URI1: variants seen among roughly 807,000 people sequenced by gnomAD.
URI1 encodes unconventional prefoldin RPB5 interactor 1.
URI1 carries 39 observed loss-of-function variants against 60.2 expected under a neutral mutation model. The observed-to-expected ratio is 0.65, with a 90% CI of 0.50 to 0.85. The LOEUF (loss-of-function observed/expected upper bound fraction) is 0.85. URI1 is among the 40% of genes least tolerant of loss of function. The pLI, the probability that URI1 is intolerant of heterozygous loss-of-function variation, is 0.00. For missense variants in URI1, 691 were observed against 665.9 expected (o/e 1.04, Z -0.42); for synonymous variants, 251 against 236.8 (o/e 1.06, Z -0.55).
chr19:29,932,031 T>G (rs1373553858), intron 1 of URI1, among the ~76,000 whole-genome samples: 4 of 151,910 alleles, frequency 2.6e-5, no homozygotes, highest in Non-Finnish European at 5.9e-5. Context: ...TTTTCTAACT[T>G]GGCTGCCTTT....
At chr19:30,012,264 T>C (rs1296771720) in intron 9 of URI1, 21 bp from the exon 10 acceptor site, 1 of 1,599,742 alleles carries the variant, frequency 6.3e-7, no homozygotes, top group African/African-American at 1.3e-5. Flanking sequence ...AGTGAATGCA[T>C]ATGTGTTTTG....
At chr19:29,956,014 C>T (rs1346992030) in intron 1 of URI1, among the ~76,000 whole-genome samples, 6 of 147,974 alleles carry the variant, frequency 4.1e-5, no homozygotes, top group African/African-American at 1.0e-4. Flanking sequence ...GATGGAGTTT[C>T]GCTCTTGTTG....
At chr19:29,987,467 A>G (rs758763047) in intron 4 of URI1, among the ~76,000 whole-genome samples, 1 of 152,300 alleles carries the variant, frequency 6.6e-6, no homozygotes, top group East Asian at 1.9e-4. Flanking sequence ...TTAGGCCTGT[A>G]TGTAATTTCT....
chr19:29,960,707 A>T (rs1252856568), intron 1 of URI1, among the ~76,000 whole-genome samples: 1 of 152,078 alleles, frequency 6.6e-6, no homozygotes. Context: ...TTCAGTCTAG[A>T]TATCTTTTCC....
chr19:29,956,046 G>C (rs1021346656), intron 1 of URI1, among the ~76,000 whole-genome samples: 3 of 148,652 alleles, frequency 2.0e-5, no homozygotes, highest in African/African-American at 7.5e-5. Flanking sequence ...GTGCAATGGA[G>C]TGGTCTTGGC....
At chr19:29,938,112 C>G (rs1232540726), upstream of URI1, 2 of 152,152 alleles carry the variant, frequency 1.3e-5, no homozygotes, top group African/African-American at 4.8e-5. Flanking sequence ...CTGCTTTGGG[C>G]TCCCAAAGTT....
rs572410110 is a variant in URI1 at position 29,967,845 on chromosome 19, T to C, written c.118-3348T>C. On this transcript the variant is annotated intron_variant, in intron 1 of 10. Transcript: ENST00000392271. ...AGTTGTGTAATATTAAGTAAGTTAC[T>C]TCATCTCTGAATACAGGTTTCCTCT... 6.6e-5 allele frequency among the ~76,000 whole-genome samples: 10 copies of C among 152,322 alleles called. No homozygotes were observed. In the South Asian group the frequency reaches 1.2e-3, roughly 19 times the overall value.
chr19:30,006,507 A>G (rs2055944584), intron 6 of URI1, among the ~76,000 whole-genome samples: 2 of 152,112 alleles, frequency 1.3e-5, no homozygotes, highest in African/African-American at 2.4e-5. Context: ...AGTTGAACAG[A>G]AAGACAAGAT....
intron 4 of URI1, 117 bp from the exon 5 acceptor site, chr19:30,005,244 T>G: frequency 3.3e-6 from 2 of 599,180 alleles, no homozygotes; most frequent in South Asian, 2.5e-5. Flanking sequence ...TAGTGTAAGA[T>G]TTTTGAAAAG....
intron 1 of URI1, among the ~76,000 whole-genome samples, chr19:29,964,219 TC>T (rs994349727): frequency 7.2e-5 from 11 of 152,284 alleles, no homozygotes; most frequent in Non-Finnish European, 8.8e-5. Flanking sequence ...GAATCCTTGG[TC>T]CCTCTTGTCC....
chr19:29,970,239 A>C (rs1051260712), intron 1 of URI1, among the ~76,000 whole-genome samples: 6 of 149,452 alleles, frequency 4.0e-5, no homozygotes, highest in Non-Finnish European at 5.9e-5. Context: ...AGCGTTTTGC[A>C]AACCAGATAA....
Position 29,942,498 on chromosome 19 carries a change from C to A in URI1, c.-50C>A, listed in dbSNP as rs1254826411. ...GCAACTGCCGGCCGCGCCGCCTGCG[C>A]AGGCGCTGGTTCAGGACTCACACGC... On this transcript the variant is annotated 5_prime_UTR_variant, in exon 1 of 11. Coordinates refer to ENST00000392271, the MANE Select transcript of URI1 (RefSeq NM_003796.3). The A allele has an allele frequency of 8.5e-6, 10 of 1,173,032 alleles. No individual in the cohort carries two copies. The Admixed American group carries it at 4.2e-4, about 50-fold the overall frequency. 72.7% of individuals were successfully genotyped at this position (1,173,032 alleles called of 1,614,324 possible). A position where few individuals can be genotyped will look rare whatever the true frequency, so the allele number is the denominator to read the frequency against.
At chr19:30,011,313 G>GT in intron 9 of URI1, 77 bp downstream of exon 9, 1 of 1,507,686 alleles carries the variant, frequency 6.6e-7, no homozygotes, top group South Asian at 1.4e-5. Flanking sequence ...ACTGGAGAAA[G>GT]TTGACTGTAA....
intron 2 of URI1, among the ~76,000 whole-genome samples, chr19:29,982,061 T>C (rs2055605357): frequency 1.3e-5 from 2 of 152,186 alleles, no homozygotes; most frequent in Non-Finnish European, 2.9e-5. Context: ...GCCCTGAACA[T>C]TTCCACGAAT....
At chr19:29,944,193 A>ATATATATAT (rs2055074692) in intron 1 of URI1, among the ~76,000 whole-genome samples, 319 of 116,728 alleles carry the variant, frequency 2.7e-3, no homozygotes, top group Non-Finnish European at 4.2e-3. Flanking sequence ...ATATATATAT[A>ATATATATAT]AAACTTAACT....
chr19:30,000,754 A>G (rs1176238021), intron 4 of URI1, among the ~76,000 whole-genome samples: 2 of 151,976 alleles, frequency 1.3e-5, no homozygotes, highest in African/African-American at 4.8e-5. Context: ...AAGCCGTGCT[A>G]TGGATCCTTT....
chr19:29,959,214 TC>T (rs2145284772), intron 1 of URI1, among the ~76,000 whole-genome samples: 1 of 152,232 alleles, frequency 6.6e-6, no homozygotes, highest in South Asian at 2.1e-4. Context: ...ATCCTGGAAC[TC>T]CCAGGCTCAG....
chr19:29,960,709 A>G (rs1358952815), intron 1 of URI1, among the ~76,000 whole-genome samples: 1 of 152,156 alleles, frequency 6.6e-6, no homozygotes, highest in Non-Finnish European at 1.5e-5. Context: ...CAGTCTAGAT[A>G]TCTTTTCCTT....
chr19:29,963,534 A>G (rs1182597259), intron 1 of URI1, among the ~76,000 whole-genome samples: 1 of 151,912 alleles, frequency 6.6e-6, no homozygotes, highest in Non-Finnish European at 1.5e-5. Flanking sequence ...ATTAATCATT[A>G]TGTTTGTTAA....
Sources: allele counts gnomAD v4.1 joint callset (sites outside exome capture counted in the v4.1 genomes callset), GRCh38; gene constraint gnomAD v4.1.1; transcripts MANE v1.5; gene names NCBI Gene and HGNC (gene_info 2026-07-23, HGNC 2026-07-21).